TGFBR3: variants seen among roughly 807,000 people sequenced by gnomAD.
TGFBR3 encodes transforming growth factor beta receptor type 3.
Under a neutral mutation model 87.9 loss-of-function variants are expected in TGFBR3, and 46 were observed. The ratio of observed to expected loss-of-function variants is 0.52; its 90% CI spans 0.41 to 0.67. The LOEUF (loss-of-function observed/expected upper bound fraction) is 0.67, where lower values mean the gene tolerates loss of function less well. TGFBR3 is among the 30% of genes least tolerant of loss of function. TGFBR3 has a pLI of 0.00. For synonymous variants in TGFBR3, 381 were observed against 391.6 expected (o/e 0.97, Z 0.32); for missense variants, 866 against 1,041.9 (o/e 0.83, Z 2.32).
At chr1:91,833,316 A>AAC (rs1676929752) in intron 2 of TGFBR3, among the ~76,000 whole-genome samples, 1 of 141,642 alleles carries the variant, frequency 7.1e-6, no homozygotes, top group Non-Finnish European at 1.5e-5. Context: ...AAAAAAAAAA[A>AAC]CAGGCCTGGT....
chr1:91,711,197 A>T (rs2100757501), intron 13 of TGFBR3, among the ~76,000 whole-genome samples: 1 of 152,326 alleles, frequency 6.6e-6, no homozygotes, highest in Admixed American at 6.5e-5. Context: ...CCGCCGCAAA[A>T]GCAAACCTAG....
At chr1:91,836,077 A>G (rs6687561) in intron 2 of TGFBR3, among the ~76,000 whole-genome samples, 43,478 of 150,898 alleles carry the variant, frequency 0.29, 7,018 homozygotes, top group African/African-American at 0.43. Context: ...GAGAAACCCT[A>G]TCTCTACTAA....
chr1:91,737,920 A>T (rs1673020052), intron 4 of TGFBR3, among the ~76,000 whole-genome samples: 1 of 152,162 alleles, frequency 6.6e-6, no homozygotes, highest in African/African-American at 2.4e-5. Context: ...GCCAAACATT[A>T]TTCTGGGTAT....
At chr1:91,850,297 C>T (rs1385412295) in intron 2 of TGFBR3, among the ~76,000 whole-genome samples, 2 of 152,084 alleles carry the variant, frequency 1.3e-5, no homozygotes, top group African/African-American at 4.8e-5. Flanking sequence ...GTGGTTCTGT[C>T]CTCTAATTAA....
chr1:91,754,253 C>A (rs1462851702), intron 4 of TGFBR3, among the ~76,000 whole-genome samples: 1 of 152,068 alleles, frequency 6.6e-6, no homozygotes, highest in Non-Finnish European at 1.5e-5. Flanking sequence ...GGCATCATCA[C>A]CCAGTTAAGT....
intron 6 of TGFBR3, chr1:91,728,021 G>C: frequency 1.7e-6 from 1 of 589,298 alleles, no homozygotes; most frequent in East Asian, 2.9e-5. Context: ...CTGATAATTA[G>C]TCACTAAAGT....
intron 3 of TGFBR3, among the ~76,000 whole-genome samples, chr1:91,791,030 A>G (rs2100991046): frequency 6.6e-6 from 1 of 152,384 alleles, no homozygotes; most frequent in East Asian, 1.9e-4. Flanking sequence ...AGGTAGATAA[A>G]GATCTCCAAA....
intron 2 of TGFBR3, among the ~76,000 whole-genome samples, chr1:91,834,966 C>T (rs1420280814): frequency 2.6e-5 from 4 of 152,192 alleles, no homozygotes; most frequent in Admixed American, 2.6e-4. Flanking sequence ...AGGTGTGAGT[C>T]ACTGTGCCTG....
chr1:91,701,408 A>G (rs1428487431), intron 14 of TGFBR3, among the ~76,000 whole-genome samples: 1 of 152,172 alleles, frequency 6.6e-6, no homozygotes, highest in Non-Finnish European at 1.5e-5. Context: ...TGCTGAGAGG[A>G]AAAGAGTGGA....
At chr1:91,861,393 T>C in intron 2 of TGFBR3, 78 bp downstream of exon 2, 1 of 1,132,986 alleles carries the variant, frequency 8.8e-7, no homozygotes, top group South Asian at 1.3e-5. Context: ...GAGTGAAACT[T>C]CATCTCAACT....
At chr1:91,787,776 A>G (rs1277237010) in intron 3 of TGFBR3, among the ~76,000 whole-genome samples, 3 of 152,026 alleles carry the variant, frequency 2.0e-5, no homozygotes, top group Admixed American at 6.6e-5. Context: ...GGAGTTTGAG[A>G]CCAACATGGT....
At chr1:91,697,338 A>C (rs1282110071) in intron 15 of TGFBR3, among the ~76,000 whole-genome samples, 1 of 152,228 alleles carries the variant, frequency 6.6e-6, no homozygotes, top group Non-Finnish European at 1.5e-5. Flanking sequence ...TTCCAGACTG[A>C]TTGTTAAATG....
At chr1:91,780,061 C>T (rs768274129) in intron 3 of TGFBR3, among the ~76,000 whole-genome samples, 2 of 152,174 alleles carry the variant, frequency 1.3e-5, no homozygotes, top group African/African-American at 2.4e-5. Context: ...TATAAGGATA[C>T]ATGTGACTGT....
rs147514446 is a variant in TGFBR3 at position 91,751,602 on chromosome 1, G to C, written c.384+7011C>G. On this transcript the variant is annotated intron_variant, in intron 4 of 16. Coordinates refer to ENST00000212355, the MANE Select transcript of TGFBR3 (RefSeq NM_003243.5). Reference sequence around the variant, plus strand: ...GAGAACTGCCTGTGGTTTGGTGGCAGAGGCCCAAAATATTTGGACCTTTTT... The same window carrying C: ...GAGAACTGCCTGTGGTTTGGTGGCACAGGCCCAAAATATTTGGACCTTTTT... Among the ~76,000 whole-genome samples the C allele has an allele frequency of 3.6e-3, 547 of 151,840 alleles. 1 individual carries two copies. The highest frequency in any genetic ancestry group is 0.017 in the Middle Eastern group (5 of 292).
At chr1:91,799,398 T>C (rs1259030450) in intron 2 of TGFBR3, among the ~76,000 whole-genome samples, 1 of 152,210 alleles carries the variant, frequency 6.6e-6, no homozygotes, top group Non-Finnish European at 1.5e-5. Flanking sequence ...CTGGAGCCCC[T>C]GGCGGGGTGC....
rs114871074 is a variant in TGFBR3, at chr1:91,808,702, G to A, written c.62-11231C>T. The stretch of plus-strand genomic sequence containing the variant: ...GCTGGTCTCAAACCCTTGGCCTCAG[G>A]TGATCCACCTGCCTCTGCCTCAGCC... On this transcript the variant is annotated intron_variant, in intron 2 of 16. Coordinates refer to ENST00000212355, the MANE Select transcript of TGFBR3 (RefSeq NM_003243.5). Among the ~76,000 whole-genome samples the A allele has an allele frequency of 5.4e-3, 829 of 152,258 alleles. 4 individuals are homozygous for A. The highest frequency in any genetic ancestry group is 0.019 in the African/African-American group (790 of 41,546).
At chr1:91,739,948 C>A (rs1456289988) in intron 4 of TGFBR3, among the ~76,000 whole-genome samples, 1 of 152,178 alleles carries the variant, frequency 6.6e-6, no homozygotes, top group African/African-American at 2.4e-5. Flanking sequence ...CGTGGTAAAT[C>A]ACTCACTATG....
chr1:91,701,814 C>T (rs116061597), intron 14 of TGFBR3, among the ~76,000 whole-genome samples: 58 of 152,256 alleles, frequency 3.8e-4, no homozygotes, highest in African/African-American at 1.3e-3. Flanking sequence ...AGGAAGATTC[C>T]TCCTGGAGAC....
chr1:91,877,382 C>A (rs1399462652), intron 1 of TGFBR3, among the ~76,000 whole-genome samples: 2 of 152,068 alleles, frequency 1.3e-5, no homozygotes, highest in African/African-American at 4.8e-5. Context: ...GGCTGGAGTG[C>A]AGTGGTATGA....
Sources: gnomAD v4.1 joint callset for allele counts (sites outside exome capture counted in the v4.1 genomes callset) on GRCh38, gnomAD v4.1.1 for gene constraint, MANE v1.5 for transcripts, NCBI Gene and HGNC (gene_info 2026-07-23, HGNC 2026-07-21) for gene names.